Variants in FYN observed in about 807,000 individuals in gnomAD.
FYN encodes FYN proto-oncogene, Src family tyrosine kinase, also known as tyrosine-protein kinase Fyn.
A neutral mutation model predicts 70.2 loss-of-function variants in FYN; 10 were observed. That is an observed-to-expected ratio of 0.14 (90% confidence interval 0.09 to 0.24). The LOEUF (loss-of-function observed/expected upper bound fraction) is 0.24, where lower values mean the gene tolerates loss of function less well. FYN is among the 10% of genes least tolerant of loss of function. The pLI, the probability that FYN is intolerant of heterozygous loss-of-function variation, is 1.00. For synonymous variants in FYN, 236 were observed against 248.6 expected, an observed-to-expected ratio of 0.95 and a Z score of 0.48; for missense variants, 319 against 673.1, an observed-to-expected ratio of 0.47 and a Z score of 5.82.
intron 3 of FYN, among the ~76,000 whole-genome samples, chr6:111,748,327 T>G (rs1802322095): frequency 6.6e-6 from 1 of 152,160 alleles, no homozygotes; most frequent in African/African-American, 2.4e-5. Flanking sequence ...CTTTTGACAT[T>G]AAGGAAATGC....
chr6:111,819,822 C>T (rs1185613997), intron 2 of FYN: 1 of 152,038 alleles, frequency 6.6e-6, no homozygotes, highest in Non-Finnish European at 1.5e-5. Flanking sequence ...AAAAAAATAC[C>T]CAAATAAATT....
intron 2 of FYN, among the ~76,000 whole-genome samples, chr6:111,817,871 G>C (rs1405221533): frequency 2.0e-5 from 3 of 152,314 alleles, no homozygotes; most frequent in East Asian, 3.9e-4. Flanking sequence ...ATTCCAACAA[G>C]AGCAGCGTGA....
At chr6:111,786,516 G>C (rs1015359415) in intron 2 of FYN, among the ~76,000 whole-genome samples, 14 of 152,320 alleles carry the variant, frequency 9.2e-5, no homozygotes, top group African/African-American at 3.1e-4. Flanking sequence ...GCCGCAATAT[G>C]TGTGCATGTA....
In FYN at chr6:111,829,978, AC is replaced by A. The variant is rs537838206; in HGVS notation, c.-82+16610del. On this transcript the variant is annotated intron_variant, in intron 2 of 13. Transcript: ENST00000354650. ...GGCTGCTCACATGGGGATGTCAGGG[AC>A]TCATTTCCTTTGTAGTATTCTCCTG... is the stretch of plus-strand genomic sequence containing the variant. Among the ~76,000 whole-genome samples the A allele has an allele frequency of 1.2e-4, 19 of 152,222 alleles. No individual in the cohort carries two copies. In the South Asian group the frequency reaches 3.5e-3, roughly 28 times the overall value.
At chr6:111,861,701 C>G (rs1426642929) in intron 1 of FYN, among the ~76,000 whole-genome samples, 1 of 152,224 alleles carries the variant, frequency 6.6e-6, no homozygotes, top group Non-Finnish European at 1.5e-5. Flanking sequence ...CGAGCTCTCA[C>G]AGGCAGCTGA....
chr6:111,723,923 A>G (rs1179920724), intron 3 of FYN, among the ~76,000 whole-genome samples: 2 of 152,176 alleles, frequency 1.3e-5, no homozygotes, highest in Non-Finnish European at 2.9e-5. Context: ...ACCACATGCC[A>G]TGAACTCATG....
intron 2 of FYN, among the ~76,000 whole-genome samples, chr6:111,790,640 A>G (rs1437760877): frequency 1.3e-5 from 2 of 152,154 alleles, no homozygotes; most frequent in Non-Finnish European, 2.9e-5. Context: ...TTGCATTTTA[A>G]AGTAATAATT....
chr6:111,699,911 ATCTTT>A (rs1799753558), intron 9 of FYN, 188 bp downstream of exon 9: 3 of 500,114 alleles, frequency 6.0e-6, no homozygotes, highest in African/African-American at 4.9e-5. Context: ...CCCACTTACT[ATCTTT>A]TTTTTTTTTT....
chr6:111,770,052 C>T (rs1303566569), intron 3 of FYN, among the ~76,000 whole-genome samples: 1 of 152,172 alleles, frequency 6.6e-6, no homozygotes, highest in East Asian at 1.9e-4. Flanking sequence ...AATTAAAGAA[C>T]ATAGCTGGGT....
intron 4 of FYN, among the ~76,000 whole-genome samples, chr6:111,716,877 C>T (rs1396823233): frequency 4.0e-5 from 6 of 151,510 alleles, no homozygotes; most frequent in Admixed American, 3.3e-4. Context: ...CTCCGCCTCC[C>T]GGGTTCAAGT....
At chr6:111,855,891 T>G (rs1773812094) in intron 1 of FYN, among the ~76,000 whole-genome samples, 1 of 152,212 alleles carries the variant, frequency 6.6e-6, no homozygotes, top group African/African-American at 2.4e-5. Context: ...ACACATTGCA[T>G]GATGAGAACT....
At chr6:111,773,517 GTGA>G in intron 3 of FYN, among the ~76,000 whole-genome samples, 1 of 58,488 alleles carries the variant, frequency 1.7e-5, no homozygotes, top group African/African-American at 7.2e-5. Context: ...GGGAGAGCGG[GTGA>G]GAGAGAGGGG....
chr6:111,771,440 TATA>T (rs1803447018), intron 3 of FYN, among the ~76,000 whole-genome samples: 1 of 152,238 alleles, frequency 6.6e-6, no homozygotes, highest in Non-Finnish European at 1.5e-5. Context: ...TCCAAGATTT[TATA>T]ATAACACCTT....
At chr6:111,866,436 G>C (rs1190023837) in intron 1 of FYN, among the ~76,000 whole-genome samples, 1 of 152,240 alleles carries the variant, frequency 6.6e-6, no homozygotes, top group Non-Finnish European at 1.5e-5. Context: ...CTGCCTCCCA[G>C]GCTCAAGCGA....
chr6:111,718,703 A>G (rs1800787860), intron 4 of FYN, among the ~76,000 whole-genome samples: 1 of 152,190 alleles, frequency 6.6e-6, no homozygotes, highest in Non-Finnish European at 1.5e-5. Flanking sequence ...ACCTTTGGGA[A>G]GGTGGGAAGG....
intron 2 of FYN, among the ~76,000 whole-genome samples, chr6:111,796,755 T>C (rs1200108346): frequency 3.9e-5 from 6 of 152,228 alleles, no homozygotes; most frequent in Non-Finnish European, 8.8e-5. Context: ...ACCATGCTGA[T>C]TGAAATCCCC....
chr6:111,836,540 G>A (rs1773194096), intron 2 of FYN, among the ~76,000 whole-genome samples: 6 of 152,202 alleles, frequency 3.9e-5, no homozygotes, highest in Admixed American at 2.6e-4. Context: ...CAAGGTGGGA[G>A]GATGAATTGA....
chr6:111,867,953 C>T (rs1038260479), intron 1 of FYN, among the ~76,000 whole-genome samples: 1 of 152,216 alleles, frequency 6.6e-6, no homozygotes, highest in Non-Finnish European at 1.5e-5. Context: ...CTCTGTACCA[C>T]TCCAAACAGC....
At chr6:111,704,496 G>T (rs557353727) in intron 6 of FYN, among the ~76,000 whole-genome samples, 63 of 152,208 alleles carry the variant, frequency 4.1e-4, no homozygotes, top group Non-Finnish European at 6.0e-4. Flanking sequence ...GCTCATACCT[G>T]TAATCCCAGC....
Sources: gnomAD v4.1 joint callset for allele counts (sites outside exome capture counted in the v4.1 genomes callset) on GRCh38, gnomAD v4.1.1 for gene constraint, MANE v1.5 for transcripts, NCBI Gene and HGNC (gene_info 2026-07-23, HGNC 2026-07-21) for gene names.